ARFIP1: variants seen among roughly 807,000 people sequenced by gnomAD.
ARFIP1 encodes arfaptin-1.
ARFIP1 carries 24 observed loss-of-function variants against 42.5 expected under a neutral mutation model. The observed-to-expected ratio is 0.57, with a 90% confidence interval of 0.41 to 0.80. The LOEUF (loss-of-function observed/expected upper bound fraction) is 0.80, where lower values mean the gene tolerates loss of function less well. Among genes scored for constraint, ARFIP1 ranks in the 30% least tolerant of loss-of-function variants. The pLI, the probability that ARFIP1 is intolerant of heterozygous loss-of-function variation, is 0.00. For missense variants in ARFIP1, 354 were observed against 434.0 expected (o/e 0.82, Z 1.64); for synonymous variants, 141 against 153.7 (o/e 0.92, Z 0.61).
intron 2 of ARFIP1, among the ~76,000 whole-genome samples, chr4:152,858,173 T>C (rs1483147768): frequency 2.0e-5 from 3 of 152,058 alleles, no homozygotes; most frequent in Non-Finnish European, 4.4e-5. Flanking sequence ...ATGTCTGTAA[T>C]CCCAGCTACT....
chr4:152,873,553 A>T (rs1735067984), intron 5 of ARFIP1, among the ~76,000 whole-genome samples: 1 of 152,220 alleles, frequency 6.6e-6, no homozygotes, highest in Admixed American at 6.5e-5. Flanking sequence ...ATGCTTGCTT[A>T]AACTAAACTC....
chr4:152,792,802 A>G (rs758685438), intron 1 of ARFIP1, among the ~76,000 whole-genome samples: 2 of 152,222 alleles, frequency 1.3e-5, no homozygotes, highest in Non-Finnish European at 2.9e-5. Flanking sequence ...TGGTCTATTC[A>G]GTATGTATAT....
chr4:152,854,477 G>C (rs1324607747), intron 2 of ARFIP1, among the ~76,000 whole-genome samples: 1 of 152,006 alleles, frequency 6.6e-6, no homozygotes, highest in Non-Finnish European at 1.5e-5. Flanking sequence ...ATTTCTTTTT[G>C]GTTGGGATCT....
chr4:152,797,316 C>T (rs973391750), intron 1 of ARFIP1, among the ~76,000 whole-genome samples: 1 of 152,106 alleles, frequency 6.6e-6, no homozygotes, highest in Non-Finnish European at 1.5e-5. Flanking sequence ...TTTTTAAATT[C>T]CACTGGCCTA....
chr4:152,836,877 G>A (rs1203233267), intron 2 of ARFIP1, among the ~76,000 whole-genome samples: 1 of 151,834 alleles, frequency 6.6e-6, no homozygotes, highest in African/African-American at 2.4e-5. Flanking sequence ...TTAGATTTTG[G>A]TGCACCTGTC....
rs530572749 is a variant in ARFIP1 at position 152,891,944 on chromosome 4, G to A, written c.966+3637G>A. Among the ~76,000 whole-genome samples the A allele has an allele frequency of 2.8e-3, 419 of 152,134 alleles. 3 individuals carry two copies. The highest frequency in any genetic ancestry group is 9.8e-3 in the African/African-American group (407 of 41,504). On this transcript the variant is annotated intron_variant, in intron 8 of 8. Transcript: ENST00000353617. ...GCTGGTCTTGAACTCCTGAGCTCAG[G>A]TGATCCACCCACCTTGGCCTCCCAA... is the stretch of plus-strand genomic sequence containing the variant.
At chr4:152,861,726 A>G (rs966003984) in intron 2 of ARFIP1, among the ~76,000 whole-genome samples, 5 of 152,216 alleles carry the variant, frequency 3.3e-5, no homozygotes, top group African/African-American at 1.2e-4. Context: ...GTTCATGATT[A>G]TGGAAATTAA....
At chr4:152,908,690 C>A (rs532252736) in intron 8 of ARFIP1, among the ~76,000 whole-genome samples, 83 of 151,980 alleles carry the variant, frequency 5.5e-4, no homozygotes, top group African/African-American at 2.0e-3. Flanking sequence ...GTTTTATAAG[C>A]CTTACTTAAG....
chr4:152,894,068 A>G (rs1403268248), intron 8 of ARFIP1, among the ~76,000 whole-genome samples: 1 of 151,960 alleles, frequency 6.6e-6, no homozygotes, highest in Non-Finnish European at 1.5e-5. Context: ...AAATACAAAA[A>G]TTAGCCTAGC....
chr4:152,783,930 C>T (rs1730648696), intron 1 of ARFIP1, among the ~76,000 whole-genome samples: 1 of 151,640 alleles, frequency 6.6e-6, no homozygotes, highest in Non-Finnish European at 1.5e-5. Flanking sequence ...AAATAATAAG[C>T]AGATGGTGTG....
At chr4:152,783,818 A>ATGCTTTTCTCTCTGTC (rs1554019761) in intron 1 of ARFIP1, among the ~76,000 whole-genome samples, 2 of 151,992 alleles carry the variant, frequency 1.3e-5, no homozygotes, top group Non-Finnish European at 2.9e-5. Context: ...TCCTATGGGG[A>ATGCTTTTCTCTCTGTC]TGGATATAAG....
At chr4:152,786,263 T>C (rs1730802755) in intron 1 of ARFIP1, among the ~76,000 whole-genome samples, 1 of 152,248 alleles carries the variant, frequency 6.6e-6, no homozygotes, top group Admixed American at 6.5e-5. Flanking sequence ...TGCTGTCTTG[T>C]TGACATCCTT....
intron 2 of ARFIP1, among the ~76,000 whole-genome samples, chr4:152,848,048 C>T (rs1407587263): frequency 1.3e-5 from 2 of 152,070 alleles, no homozygotes; most frequent in Non-Finnish European, 2.9e-5. Context: ...GAACCCCCCA[C>T]CTGTAAGTTT....
intron 5 of ARFIP1, among the ~76,000 whole-genome samples, chr4:152,878,760 C>G (rs893471738): frequency 4.6e-5 from 7 of 152,174 alleles, no homozygotes; most frequent in African/African-American, 1.7e-4. Flanking sequence ...AAAGGCCACT[C>G]AGACAGCAGT....
At chr4:152,880,212 G>C (rs766025433) in intron 5 of ARFIP1, among the ~76,000 whole-genome samples, 1 of 151,920 alleles carries the variant, frequency 6.6e-6, no homozygotes, top group Admixed American at 6.6e-5. Context: ...GCTTGGTGGC[G>C]CACGCCTGTA....
chr4:152,876,659 A>G (rs949938399), intron 5 of ARFIP1, among the ~76,000 whole-genome samples: 4 of 152,228 alleles, frequency 2.6e-5, no homozygotes, highest in Non-Finnish European at 4.4e-5. Context: ...AATTGCCAAG[A>G]TGATGGGGAA....
At chr4:152,847,421 C>T (rs2149862296) in intron 2 of ARFIP1, among the ~76,000 whole-genome samples, 1 of 152,128 alleles carries the variant, frequency 6.6e-6, no homozygotes, top group African/African-American at 2.4e-5. Context: ...GCATGAGCCA[C>T]TGCACCCGGT....
At chr4:152,900,196 C>G (rs369699733) in intron 8 of ARFIP1, among the ~76,000 whole-genome samples, 3 of 152,078 alleles carry the variant, frequency 2.0e-5, no homozygotes, top group East Asian at 3.9e-4. Flanking sequence ...AGGGCGGGAA[C>G]TAACACTGTA....
At chr4:152,892,534 C>A (rs1349318107) in intron 8 of ARFIP1, among the ~76,000 whole-genome samples, 4 of 152,062 alleles carry the variant, frequency 2.6e-5, no homozygotes, top group Non-Finnish European at 5.9e-5. Flanking sequence ...TTTCTTTGTT[C>A]CCTCTTAGAA....
Sources: gnomAD v4.1 joint callset for allele counts (sites outside exome capture counted in the v4.1 genomes callset) on GRCh38, gnomAD v4.1.1 for gene constraint, MANE v1.5 for transcripts, NCBI Gene and HGNC (gene_info 2026-07-23, HGNC 2026-07-21) for gene names.